NPHP4: variants seen among roughly 807,000 people sequenced by gnomAD.
NPHP4 encodes the protein nephrocystin 4, also known as nephrocystin-4.
In NPHP4, 151 loss-of-function variants were observed where a neutral mutation model predicts 155.8. The ratio of observed to expected loss-of-function variants is 0.97; its 90% CI spans 0.85 to 1.11. NPHP4 has a LOEUF of 1.11. NPHP4 is among the 50% of genes least tolerant of loss of function. The pLI is 0.00. For missense variants in NPHP4, 1,956 were observed against 1,925.7 expected (o/e 1.02, Z -0.29); for synonymous variants, 845 against 816.8 (o/e 1.03, Z -0.59).
intron 16 of NPHP4, among the ~76,000 whole-genome samples, chr1:5,894,806 A>C (rs1644311941): frequency 1.3e-5 from 2 of 152,220 alleles, no homozygotes; most frequent in South Asian, 4.1e-4. Context: ...CCCATATGAC[A>C]TAAACTTTAA....
intron 18 of NPHP4, among the ~76,000 whole-genome samples, chr1:5,885,358 C>T (rs192126047): frequency 3.2e-4 from 48 of 152,248 alleles, no homozygotes; most frequent in African/African-American, 1.0e-3. Context: ...GCCCATCCTA[C>T]GCCGCAACCA....
intron 9 of NPHP4, among the ~76,000 whole-genome samples, chr1:5,938,132 T>A (rs1328975588): frequency 6.6e-6 from 1 of 152,138 alleles, no homozygotes. Flanking sequence ...CCCAGCAGCA[T>A]GACAGGTGGG....
At chr1:5,938,892 G>A (rs1387797212) in intron 9 of NPHP4, among the ~76,000 whole-genome samples, 5 of 152,212 alleles carry the variant, frequency 3.3e-5, no homozygotes, top group Admixed American at 2.6e-4. Flanking sequence ...GTTAGAGAAC[G>A]ATGTTAACAC....
intron 9 of NPHP4, among the ~76,000 whole-genome samples, chr1:5,946,675 G>A (rs1003449476): frequency 1.3e-5 from 2 of 152,270 alleles, no homozygotes; most frequent in African/African-American, 4.8e-5. Context: ...TAGCCCCTAG[G>A]TGGCTTCAGG....
intron 8 of NPHP4, among the ~76,000 whole-genome samples, 198 bp downstream of exon 8, chr1:5,947,872 A>T (rs1647193416): frequency 6.7e-6 from 1 of 150,362 alleles, no homozygotes. Context: ...AGAGCACAAA[A>T]GGAAAAAAAA....
Position 5,863,791 on chromosome 1 carries a change from CTGG to C in NPHP4, c.4140+96_4140+98del, listed in dbSNP as rs1234769912. On this transcript the variant is annotated intron_variant, in intron 29 of 29. Coordinates refer to ENST00000378156, the MANE Select transcript of NPHP4 (RefSeq NM_015102.5). ...CCGCCCTGGGGCTTTTGGAAGACTG[CTGG>C]TGATTTGAGGAACTCGCTCCTAAAT... The C allele has an allele frequency of 9.1e-6, 12 of 1,325,818 alleles. No individual in the cohort carries two copies. The Admixed American group carries it at 1.8e-4, about 20-fold the overall frequency. 82.1% of individuals were successfully genotyped at this position (1,325,818 alleles called of 1,614,324 possible).
In NPHP4 at chr1:5,892,196, G is replaced by C. The variant is rs1478264381; in HGVS notation, c.2144-1168C>G. On this transcript the variant is annotated intron_variant, in intron 16 of 29. Transcript: ENST00000378156. The surrounding 1 kb of genome is among the most constrained non-coding windows in gnomAD (Gnocchi z 4.5). ...CTGCCTGGACTGTGGCATCTAGTGA[G>C]AGCTCCCAGCATGAGCGACGCAGAA... 6.6e-6 allele frequency among the ~76,000 whole-genome samples: 1 copy of C among 152,228 alleles called. No homozygotes were observed. The highest frequency in any genetic ancestry group is 2.4e-5 in the African/African-American group (1 of 41,472).
chr1:5,927,864 C>A, intron 10 of NPHP4, 77 bp from the exon 11 acceptor site: 1 of 1,465,372 alleles, frequency 6.8e-7, no homozygotes. Flanking sequence ...CCAGGAACAG[C>A]AGGCTCTGCC....
chr1:5,987,196 G>C (rs1466181335), intron 1 of NPHP4, among the ~76,000 whole-genome samples: 1 of 152,100 alleles, frequency 6.6e-6, no homozygotes, highest in Non-Finnish European at 1.5e-5. Context: ...GGCCCGTTTT[G>C]AGTGTTATCT....
chr1:5,936,092 T>A (rs989576100), intron 9 of NPHP4, among the ~76,000 whole-genome samples: 1 of 152,178 alleles, frequency 6.6e-6, no homozygotes, highest in South Asian at 2.1e-4. Context: ...AATATCTAAT[T>A]TTCCAATTTC....
At chr1:5,915,123 A>C (rs1645402561) in intron 11 of NPHP4, among the ~76,000 whole-genome samples, 1 of 152,176 alleles carries the variant, frequency 6.6e-6, no homozygotes, top group African/African-American at 2.4e-5. Flanking sequence ...AGAAGTCCTG[A>C]GGGAGGAGGG....
At chr1:5,933,763 T>G (rs554012256) in intron 9 of NPHP4, among the ~76,000 whole-genome samples, 1 of 152,284 alleles carries the variant, frequency 6.6e-6, no homozygotes, top group South Asian at 2.1e-4. Flanking sequence ...AATCAGAAAT[T>G]TGGTAAAATA....
intron 5 of NPHP4, among the ~76,000 whole-genome samples, 159 bp from the exon 6 acceptor site, chr1:5,962,108 C>A (rs1650442222): frequency 6.6e-6 from 1 of 152,204 alleles, no homozygotes; most frequent in South Asian, 2.1e-4. Context: ...AAGTGAAAGG[C>A]ATTGATCTTT....
Position 5,907,184 on chromosome 1 carries a change from C to T in NPHP4, c.1542G>A (p.Pro514=), listed in dbSNP as rs35264155. 1,803 of 1,588,102 alleles carry T rather than the reference C, an allele frequency of 1.1e-3. 13 individuals are homozygous for T. The African/African-American group carries it at 0.022, about 19-fold the overall frequency. The change falls in exon 13 of 30, where the codon CCG becomes CCA. Residue 514 remains proline (P), a synonymous_variant. Coordinates refer to ENST00000378156, the MANE Select transcript of NPHP4 (RefSeq NM_015102.5). ...TAGGCCTGGCCAAGCAGTGCTGAGT[C>T]GGGGACCGCGGGGAGGCCGCCAGCT... The part of the protein sequence containing the change: ...ISQLAASPRS[P]TQHCLARPTS...
intron 16 of NPHP4, among the ~76,000 whole-genome samples, chr1:5,904,358 A>G (rs1380274761): frequency 6.6e-6 from 1 of 152,228 alleles, no homozygotes. Context: ...TTTTAGATAT[A>G]CATAAGGAAA....
chr1:5,983,705 T>C (rs1053305483), intron 2 of NPHP4, among the ~76,000 whole-genome samples: 2 of 152,188 alleles, frequency 1.3e-5, no homozygotes, highest in African/African-American at 4.8e-5. Context: ...GAGGTGGTCT[T>C]GGAGGCCCCT....
chr1:5,924,284 T>G (rs758745482), intron 11 of NPHP4, among the ~76,000 whole-genome samples: 4 of 152,086 alleles, frequency 2.6e-5, no homozygotes, highest in Non-Finnish European at 5.9e-5. Context: ...CTGGGGCCTC[T>G]GAATGAGAGG....
intron 1 of NPHP4, among the ~76,000 whole-genome samples, chr1:5,990,583 A>T (rs1341778532): frequency 1.3e-5 from 2 of 152,218 alleles, no homozygotes; most frequent in Non-Finnish European, 2.9e-5. Flanking sequence ...CTTACAGATG[A>T]GAACACTGAG....
intron 3 of NPHP4, among the ~76,000 whole-genome samples, chr1:5,970,542 C>T (rs1459619930): frequency 6.6e-6 from 1 of 152,058 alleles, no homozygotes; most frequent in Non-Finnish European, 1.5e-5. Flanking sequence ...GCACAGTAGA[C>T]AGAGATGAAG....
Sources: allele counts gnomAD v4.1 joint callset (sites outside exome capture counted in the v4.1 genomes callset), GRCh38; gene constraint gnomAD v4.1.1; non-coding constraint Gnocchi (gnomAD v3.1); transcripts MANE v1.5; gene names NCBI Gene and HGNC (gene_info 2026-07-23, HGNC 2026-07-21).